Variants in SMAP2 observed in about 807,000 individuals in gnomAD.
The protein encoded by SMAP2 is small ArfGAP2.
SMAP2 carries 25 observed loss-of-function variants against 56.4 expected under a neutral mutation model. The ratio of observed to expected loss-of-function variants is 0.44; its 90% CI spans 0.32 to 0.62. SMAP2 has a LOEUF of 0.62. Among genes scored for constraint, SMAP2 ranks in the 20% least tolerant of loss-of-function variants. The pLI, the probability that SMAP2 is intolerant of heterozygous loss-of-function variation, is 0.04. For synonymous variants in SMAP2, 157 were observed against 181.7 expected (o/e 0.86, Z 1.09); for missense variants, 388 against 545.6 (o/e 0.71, Z 2.88).
Position 40,422,267 on chromosome 1 carries a change from G to A in SMAP2, c.*166G>A. The A allele has an allele frequency of 1.1e-6, 1 of 874,558 alleles. No individual in the cohort carries two copies. 54.2% of individuals were successfully genotyped at this position (874,558 alleles called of 1,614,324 possible). On this transcript the variant is annotated 3_prime_UTR_variant, in exon 10 of 10. Coordinates refer to ENST00000372718, the MANE Select transcript of SMAP2 (RefSeq NM_022733.3). The stretch of plus-strand genomic sequence containing the variant: ...TCCTGCCCAGCCACTTCCCAAACAT[G>A]AAGACCTCTCTGTTGCTTTATGTTG...
At chr1:40,389,938 C>T (rs1644700610) in intron 1 of SMAP2, among the ~76,000 whole-genome samples, 1 of 138,594 alleles carries the variant, frequency 7.2e-6, no homozygotes, top group Non-Finnish European at 1.5e-5. Flanking sequence ...CACCCCCAGA[C>T]CTGCCCTGAG....
At chr1:40,390,642 A>G (rs920703855) in intron 1 of SMAP2, among the ~76,000 whole-genome samples, 1 of 152,200 alleles carries the variant, frequency 6.6e-6, no homozygotes, top group Non-Finnish European at 1.5e-5. Context: ...TAATAAAAAA[A>G]AGAATACCTA....
At chr1:40,376,944 C>T (rs527341743) in intron 1 of SMAP2, among the ~76,000 whole-genome samples, 9 of 152,202 alleles carry the variant, frequency 5.9e-5, no homozygotes, top group Admixed American at 3.3e-4. Flanking sequence ...AATTCTTATA[C>T]TTATTTAGGA....
At position 40,416,270 on chromosome 1, in the gene SMAP2, G is replaced by A. The variant is rs1644986080; in HGVS notation, c.776G>A (p.Gly259Asp). ...CCAGGGAGCAAATCAGAAGAAATAG[G>A]CAAGAAACAGCTCTCTAAAGACTCC... ...PEPGSKSEEI[G>D]KKQLSKDSIL... Residue 259 changes from glycine (G) to aspartate (D), a missense_variant, in exon 8 of 10, where the codon GGC becomes GAC. Transcript: ENST00000372718. The A allele has an allele frequency of 6.2e-7, 1 of 1,613,914 alleles. No homozygotes were observed. Among genetic ancestry groups the A allele is most frequent in the African/African-American group, 1.3e-5 (1 of 74,884 alleles).
chr1:40,349,227 C>T (rs533529041), intron 1 of SMAP2, among the ~76,000 whole-genome samples: 1 of 152,232 alleles, frequency 6.6e-6, no homozygotes, highest in African/African-American at 2.4e-5. Context: ...AGTTTTGTAA[C>T]GTTAATGATA....
At chr1:40,395,015 T>C (rs1644756365) in intron 1 of SMAP2, among the ~76,000 whole-genome samples, 2 of 152,192 alleles carry the variant, frequency 1.3e-5, no homozygotes, top group African/African-American at 4.8e-5. Context: ...GGAAGTGATG[T>C]CACTCTTGGT....
In SMAP2 at chr1:40,408,686, C is replaced by G. The variant is rs754479305; in HGVS notation, c.271C>G (p.Arg91Gly). 1 of 1,613,792 alleles carries G rather than the reference C, an allele frequency of 6.2e-7. No homozygotes were observed. Among genetic ancestry groups the G allele is most frequent in the East Asian group, 2.2e-5 (1 of 44,884 alleles). The change falls in exon 3 of 10, where the codon CGA becomes GGA. Residue 91 changes from arginine (R) to glycine (G), a missense_variant. Physicochemically the swap from Arg to Gly is moderately radical, Grantham distance 125 (BLOSUM62 -2). Coordinates refer to ENST00000372718, the MANE Select transcript of SMAP2 (RefSeq NM_022733.3). The surrounding 1 kb of genome is among the most constrained non-coding windows in gnomAD (Gnocchi z 4.3). ...AGAGATGGGAAATGGAAAGGCAAAC[C>G]GACTTTATGAAGCCTATCTTCCTGA... ...MQEMGNGKANRLYEAYLPETF... is the reference protein window; with the variant it reads ...MQEMGNGKANGLYEAYLPETF...
At chr1:40,352,495 T>C (rs992702355) in intron 1 of SMAP2, among the ~76,000 whole-genome samples, 2 of 152,178 alleles carry the variant, frequency 1.3e-5, no homozygotes. Flanking sequence ...TTCTTTGTTG[T>C]TTCCCTTGCT....
At chr1:40,393,648 C>G (rs1377401776) in intron 1 of SMAP2, 1 of 703,192 alleles carries the variant, frequency 1.4e-6, no homozygotes, top group East Asian at 3.0e-5. Context: ...CAGGTTCAAG[C>G]GATTCCCCTG....
intron 2 of SMAP2, among the ~76,000 whole-genome samples, chr1:40,366,182 C>T (rs1241252461): frequency 6.6e-6 from 1 of 151,810 alleles, no homozygotes; most frequent in African/African-American, 2.4e-5. Context: ...AGCAAAGCCT[C>T]CAAGAAATAT....
chr1:40,412,925 G>A (rs1644951466), intron 4 of SMAP2, 91 bp from the exon 5 acceptor site: 1 of 915,892 alleles, frequency 1.1e-6, no homozygotes, highest in East Asian at 2.5e-5. Flanking sequence ...ATAGGGATTG[G>A]AGGTGTCCTT....
intron 1 of SMAP2, among the ~76,000 whole-genome samples, chr1:40,381,811 T>C (rs184836484): frequency 3.3e-5 from 5 of 152,322 alleles, no homozygotes; most frequent in Non-Finnish European, 2.9e-5. Context: ...GATCGCTGAA[T>C]AGTAAGAAAG....
chr1:40,414,026 G>A, intron 5 of SMAP2, 133 bp from the exon 6 acceptor site: 2 of 737,216 alleles, frequency 2.7e-6, no homozygotes, highest in East Asian at 2.7e-5. Context: ...TACTTCCTGA[G>A]TTTTGTTTCT....
intron 1 of SMAP2, among the ~76,000 whole-genome samples, chr1:40,401,142 A>G (rs928071056): frequency 1.3e-5 from 2 of 152,194 alleles, no homozygotes; most frequent in East Asian, 1.9e-4. Flanking sequence ...GGGCGCCTGT[A>G]GTCTCAGCTA....
intron 1 of SMAP2, among the ~76,000 whole-genome samples, chr1:40,399,150 T>G (rs1042484158): frequency 6.6e-6 from 1 of 151,746 alleles, no homozygotes; most frequent in African/African-American, 2.4e-5. Context: ...TTTATTTTTA[T>G]TTTTATTTTT....
At chr1:40,393,444 G>C (rs1172247828) in intron 1 of SMAP2, 8 of 1,534,642 alleles carry the variant, frequency 5.2e-6, no homozygotes, top group Non-Finnish European at 7.0e-6. Context: ...AGCAAGATTT[G>C]CACAAAAAGA....
intron 1 of SMAP2, among the ~76,000 whole-genome samples, chr1:40,346,852 T>C (rs1644387622): frequency 6.6e-6 from 1 of 151,972 alleles, no homozygotes. Flanking sequence ...AAATCTTGTT[T>C]CATTTATTTT....
intron 1 of SMAP2, among the ~76,000 whole-genome samples, chr1:40,383,447 C>G (rs1399554983): frequency 6.6e-6 from 1 of 152,194 alleles, no homozygotes; most frequent in African/African-American, 2.4e-5. Flanking sequence ...CCAGCGCAAA[C>G]AGGCAAAGAC....
At chr1:40,413,984 C>G in intron 5 of SMAP2, 175 bp from the exon 6 acceptor site, 1 of 597,636 alleles carries the variant, frequency 1.7e-6, no homozygotes, top group Non-Finnish European at 3.0e-6. Flanking sequence ...GGTTTATGCA[C>G]TTCTGCCTCC....
Sources: allele counts gnomAD v4.1 joint callset (sites outside exome capture counted in the v4.1 genomes callset), GRCh38; gene constraint gnomAD v4.1.1; non-coding constraint Gnocchi (gnomAD v3.1); transcripts MANE v1.5; gene names NCBI Gene and HGNC (gene_info 2026-07-23, HGNC 2026-07-21).